UNC13A: variants seen among roughly 807,000 people sequenced by gnomAD.
The protein encoded by UNC13A is unc-13 homolog A.
In UNC13A, 61 loss-of-function variants were observed where a neutral mutation model predicts 219.7. The ratio of observed to expected loss-of-function variants is 0.28; its 90% CI spans 0.23 to 0.34. The LOEUF is 0.34. Among genes scored for constraint, UNC13A ranks in the 10% least tolerant of loss-of-function variants. The pLI is 1.00. For missense variants in UNC13A, 1,476 were observed against 2,270.3 expected (o/e 0.65, Z 7.11); for synonymous variants, 920 against 884.6 (o/e 1.04, Z -0.71).
Position 17,688,265 on chromosome 19 carries a change from G to A in UNC13A, c.-66C>T. ...CTCTGTCGGGTCGGGCTCAGCGGCC[G>A]CTGGGCTGGGGCATCTCCCGGCTGC... On this transcript the variant is annotated 5_prime_UTR_variant, in exon 1 of 44. Transcript: ENST00000519716. The A allele has an allele frequency of 2.1e-6, 3 of 1,402,278 alleles. No individual in the cohort carries two copies. Among genetic ancestry groups the A allele is most frequent in the Non-Finnish European group, 2.8e-6 (3 of 1,078,720 alleles). 86.9% of individuals were successfully genotyped at this position (1,402,278 alleles called of 1,614,324 possible).
At chr19:17,628,729 T>C (rs544083821) in intron 31 of UNC13A, among the ~76,000 whole-genome samples, 3 of 152,032 alleles carry the variant, frequency 2.0e-5, no homozygotes, top group African/African-American at 4.8e-5. Flanking sequence ...CTCAGATATG[T>C]ACAGACACAC....
chr19:17,626,599 C>G, intron 34 of UNC13A, 34 bp downstream of exon 34: 1 of 1,512,260 alleles, frequency 6.6e-7, no homozygotes, highest in Non-Finnish European at 8.9e-7. Flanking sequence ...CCCAGCCCCT[C>G]CCCGGCCAGC....
At chr19:17,613,702 C>CTTTTTTTTTTT (rs1157023997) in intron 41 of UNC13A, 19 of 124,240 alleles carry the variant, frequency 1.5e-4, no homozygotes, top group East Asian at 5.3e-4. Context: ...TCTTAAGTTT[C>CTTTTTTTTTTT]TTTTTTTTTT....
At chr19:17,648,728 C>A in intron 15 of UNC13A, 78 bp from the exon 16 acceptor site, 1 of 1,558,658 alleles carries the variant, frequency 6.4e-7, no homozygotes, top group Non-Finnish European at 8.7e-7. Flanking sequence ...CGCCCCATCA[C>A]TGAGCGCGGT....
At chr19:17,616,997 G>A (rs1255903991) in intron 41 of UNC13A, among the ~76,000 whole-genome samples, 1 of 152,178 alleles carries the variant, frequency 6.6e-6, no homozygotes, top group African/African-American at 2.4e-5. Context: ...AATACAGAGA[G>A]AAAGAGAGAG....
intron 1 of UNC13A, among the ~76,000 whole-genome samples, chr19:17,681,696 C>T (rs1162052917): frequency 6.6e-6 from 1 of 152,178 alleles, no homozygotes; most frequent in African/African-American, 2.4e-5. Flanking sequence ...AATGACGTCA[C>T]CTCCTCCATT....
Position 17,658,182 on chromosome 19 carries a change from G to A in UNC13A, c.647C>T (p.Thr216Met), listed in dbSNP as rs560413297. 3.1e-6 allele frequency: 5 copies of A among 1,613,976 alleles called. No individual in the cohort carries two copies. Among genetic ancestry groups the A allele is most frequent in the Admixed American group, 3.3e-5 (2 of 60,002 alleles). Reference sequence around the variant, plus strand: ...GTGGACTGAGGCGTTGGGTTGTGACGTAGTATAATAGGGCGGCGGGATGCT... The same window carrying A: ...GTGGACTGAGGCGTTGGGTTGTGACATAGTATAATAGGGCGGCGGGATGCT... ...SNSIPPPYYT[T>M]SQPNASVHQY... The change falls in exon 9 of 44, where the codon ACG (threonine) becomes ATG (methionine). Residue 216 changes from threonine to methionine, a missense_variant. Around this residue, in one of 14 missense-constraint regions of UNC13A, gnomAD observed 203 missense variants for 301.6 expected, o/e 0.67. Transcript: ENST00000519716.
chr19:17,639,259 A>G, intron 24 of UNC13A, 42 bp from the exon 25 acceptor site: 2 of 1,611,922 alleles, frequency 1.2e-6, no homozygotes, highest in Non-Finnish European at 8.5e-7. Flanking sequence ...CAGCTGTGAC[A>G]GGAGGTCCCC....
rs968049580 is a variant in UNC13A, at chr19:17,605,172, T to A, written c.*882A>T. On this transcript the variant is annotated 3_prime_UTR_variant, in exon 44 of 44. Transcript: ENST00000519716. ...GGGAATTAGCAGCAATAGGGAGCTG[T>A]GTCAGGTCATCCCGATCTCAGCCCA... The A allele has an allele frequency of 6.6e-6, 1 of 152,664 alleles. No individual in the cohort carries two copies. The highest frequency in any genetic ancestry group is 1.5e-5 in the Non-Finnish European group (1 of 68,088). 9.5% of individuals were successfully genotyped at this position (152,664 alleles called of 1,614,324 possible). A position where few individuals can be genotyped will look rare whatever the true frequency, so the allele number is the denominator to read the frequency against.
chr19:17,627,499 A>G lies in UNC13A; in HGVS notation c.3920+10T>C. 6.4e-7 allele frequency: 1 copy of G among 1,553,126 alleles called. No individual in the cohort carries two copies. The highest frequency in any genetic ancestry group is 1.4e-5 in the African/African-American group (1 of 73,250). On this transcript the variant is annotated intron_variant, in intron 33 of 43. Transcript: ENST00000519716. This position sits in a 1 kb window ranked among gnomAD's most constrained non-coding sequence, Gnocchi z 4.7. ...CTCCCCACTGCCCCCAGCCCTGGAG[A>G]TGCTCCCACCTGGTAGCAAACACCC...
At chr19:17,661,332 C>T (rs867232946) in intron 8 of UNC13A, among the ~76,000 whole-genome samples, 4 of 152,012 alleles carry the variant, frequency 2.6e-5, no homozygotes, top group Non-Finnish European at 1.5e-5. Flanking sequence ...GGTTTGTCCA[C>T]CAGGATATGA....
intron 35 of UNC13A, among the ~76,000 whole-genome samples, chr19:17,624,080 C>T (rs2076757321): frequency 6.6e-6 from 1 of 151,892 alleles, no homozygotes; most frequent in South Asian, 2.1e-4. Context: ...TTTGAATGAG[C>T]CCCAAAGCCC....
At chr19:17,645,163 C>T (rs2077012379) in intron 19 of UNC13A, among the ~76,000 whole-genome samples, 1 of 151,764 alleles carries the variant, frequency 6.6e-6, no homozygotes, top group Non-Finnish European at 1.5e-5. Context: ...CACCCACCAC[C>T]ACGCCTGGCT....
At position 17,652,664 on chromosome 19, in the gene UNC13A, C is replaced by T. The variant is rs1357397448; in HGVS notation, c.1406G>A (p.Gly469Glu). Residue 469 changes from glycine (G) to glutamate (E), a missense_variant, in exon 12 of 44, where the codon GGA (glycine) becomes GAA (glutamate). Physicochemically the swap from Gly to Glu is moderately conservative, Grantham distance 98 (BLOSUM62 -2). This residue lies in a region of UNC13A where 351 missense variants were observed against 342.6 expected (regional missense o/e 1.02). Transcript: ENST00000519716. The part of the protein sequence containing the change: ...RMQLQEARGE[G>E]EMSKSLWFKG... The stretch of plus-strand genomic sequence containing the variant: ...GAACCATAGGGATTTAGACATCTCT[C>T]CTTCTCCCCGGGCCTGCAGGACAGA... 2 of 1,613,656 alleles carry T rather than the reference C, an allele frequency of 1.2e-6. No individual in the cohort carries two copies. Among genetic ancestry groups the T allele is most frequent in the African/African-American group, 2.7e-5 (2 of 74,898 alleles).
intron 7 of UNC13A, among the ~76,000 whole-genome samples, chr19:17,666,094 C>T (rs1165784148): frequency 8.0e-6 from 1 of 124,726 alleles, no homozygotes; most frequent in Non-Finnish European, 1.8e-5. Flanking sequence ...TTCTTTCCTT[C>T]CCTTCCTTTC....
At chr19:17,660,310 CTT>C in intron 8 of UNC13A, among the ~76,000 whole-genome samples, 1 of 151,904 alleles carries the variant, frequency 6.6e-6, no homozygotes, top group South Asian at 2.1e-4. Flanking sequence ...AAATTATCTG[CTT>C]ATGAAGGGTA....
At chr19:17,671,713 G>A (rs2079791858) in intron 4 of UNC13A, among the ~76,000 whole-genome samples, 1 of 152,186 alleles carries the variant, frequency 6.6e-6, no homozygotes, top group Non-Finnish European at 1.5e-5. Context: ...AGTCGAGGCT[G>A]CAGTGGGCCA....
intron 25 of UNC13A, 35 bp from the exon 26 acceptor site, chr19:17,636,192 G>A: frequency 1.3e-6 from 2 of 1,551,894 alleles, no homozygotes; most frequent in Non-Finnish European, 1.7e-6. Context: ...GTTATAGGGG[G>A]TCCAGAGGTT....
intron 36 of UNC13A, 25 bp downstream of exon 36, chr19:17,623,517 G>T: frequency 6.6e-7 from 1 of 1,523,820 alleles, no homozygotes; most frequent in Non-Finnish European, 8.7e-7. Flanking sequence ...CGGACAGACA[G>T]ACGGACAGAC....
Sources: allele counts gnomAD v4.1 joint callset (sites outside exome capture counted in the v4.1 genomes callset), GRCh38; gene constraint gnomAD v4.1.1; regional missense constraint gnomAD v4.1.1; non-coding constraint Gnocchi (gnomAD v3.1); transcripts MANE v1.5; gene names NCBI Gene and HGNC (gene_info 2026-07-23, HGNC 2026-07-21).